The following RBFOX1 variants were observed in gnomAD, a reference collection of about 807,000 sequenced individuals.
RBFOX1 encodes RNA binding protein fox-1 homolog 1.
RBFOX1 carries 8 observed loss-of-function variants against 57.7 expected under a neutral mutation model. The observed-to-expected ratio is 0.14, with a 90% CI of 0.08 to 0.25. RBFOX1 has a LOEUF of 0.25. Ranked by LOEUF, RBFOX1 falls within the 10% of genes least tolerant of loss-of-function variation. The pLI, the probability that RBFOX1 is intolerant of heterozygous loss-of-function variation, is 1.00. For missense variants in RBFOX1, 611 were observed against 548.5 expected (o/e 1.11, Z -1.14); for synonymous variants, 326 against 222.4 (o/e 1.47, Z -4.15).
In RBFOX1 at chr16:5,399,520, C is replaced by G. The variant is rs368800210; in HGVS notation, c.220-67696C>G. The stretch of plus-strand genomic sequence containing the variant: ...GGTGAATGGGTTCCTTATTTTTTCT[C>G]TTTTAAAAATTGGATCAATGCCATC... On this transcript the variant is annotated intron_variant, in intron 1 of 2. Transcript: ENST00000585867. 6.2e-4 allele frequency among the ~76,000 whole-genome samples: 95 copies of G among 152,066 alleles called. 3 individuals carry two copies. The South Asian group carries it at 0.018, about 29-fold the overall frequency.
At chr16:5,556,385 A>T (rs898156165) in intron 2 of RBFOX1, among the ~76,000 whole-genome samples, 9 of 152,212 alleles carry the variant, frequency 5.9e-5, no homozygotes, top group Non-Finnish European at 1.2e-4. Flanking sequence ...GCCGAGGAAG[A>T]TGAAATGCTA....
At chr16:6,501,690 C>T (rs1466573851) in intron 2 of RBFOX1, among the ~76,000 whole-genome samples, 5 of 152,220 alleles carry the variant, frequency 3.3e-5, no homozygotes, top group African/African-American at 9.6e-5. Context: ...TTTCTGATCT[C>T]ATTCTAAAAC....
chr16:5,638,809 T>C (rs1321986887), intron 3 of RBFOX1, among the ~76,000 whole-genome samples: 1 of 152,170 alleles, frequency 6.6e-6, no homozygotes, highest in Non-Finnish European at 1.5e-5. Context: ...CCTTAAGTTC[T>C]GGGCTGAATG....
At chr16:6,952,838 G>T (rs1166675826) in intron 3 of RBFOX1, among the ~76,000 whole-genome samples, 2 of 152,018 alleles carry the variant, frequency 1.3e-5, no homozygotes, top group Non-Finnish European at 2.9e-5. Context: ...AGCTGGGTAT[G>T]GTGGTGCATG....
intron 4 of RBFOX1, among the ~76,000 whole-genome samples, chr16:7,144,953 C>G (rs992953568): frequency 1.3e-5 from 2 of 152,132 alleles, no homozygotes; most frequent in African/African-American, 4.8e-5. Flanking sequence ...CCCCTCTCCC[C>G]CTCCCCCAGT....
At chr16:6,783,573 T>C (rs1426198663) in intron 3 of RBFOX1, among the ~76,000 whole-genome samples, 2 of 152,106 alleles carry the variant, frequency 1.3e-5, no homozygotes, top group African/African-American at 4.8e-5. Flanking sequence ...GTCTGACTTT[T>C]TGCTATCTCT....
intron 3 of RBFOX1, among the ~76,000 whole-genome samples, chr16:6,872,447 C>G (rs1034249322): frequency 2.0e-5 from 3 of 152,094 alleles, no homozygotes; most frequent in South Asian, 2.1e-4. Flanking sequence ...TTTCTAAAAA[C>G]TCAACTTAGG....
intron 3 of RBFOX1, among the ~76,000 whole-genome samples, chr16:6,927,295 A>G (rs1465827670): frequency 6.6e-6 from 1 of 151,370 alleles, no homozygotes; most frequent in Non-Finnish European, 1.5e-5. Flanking sequence ...CACCTGTAGT[A>G]TCAGCTACTT....
chr16:7,535,257 C>T (rs943341565), intron 5 of RBFOX1, among the ~76,000 whole-genome samples: 1 of 152,112 alleles, frequency 6.6e-6, no homozygotes, highest in Non-Finnish European at 1.5e-5. Context: ...TTCCCTGGGC[C>T]AGCTCAGGGC....
At chr16:5,734,356 G>T (rs138898316) in intron 3 of RBFOX1, among the ~76,000 whole-genome samples, 1 of 152,218 alleles carries the variant, frequency 6.6e-6, no homozygotes, top group Non-Finnish European at 1.5e-5. Flanking sequence ...TGAGCCCAGG[G>T]GTTCAAGGCT....
intron 3 of RBFOX1, among the ~76,000 whole-genome samples, chr16:6,743,204 G>A (rs768910402): frequency 1.6e-4 from 25 of 152,120 alleles, no homozygotes; most frequent in Non-Finnish European, 3.4e-4. Context: ...TAATAAGCCA[G>A]CAAAGGAAAT....
At chr16:5,509,946 G>A (rs1325733369) in intron 2 of RBFOX1, among the ~76,000 whole-genome samples, 1 of 152,180 alleles carries the variant, frequency 6.6e-6, no homozygotes, top group African/African-American at 2.4e-5. Flanking sequence ...GTTTTAGCAG[G>A]TGGTCATGTG....
intron 3 of RBFOX1, among the ~76,000 whole-genome samples, chr16:6,931,713 C>G (rs1362802653): frequency 1.3e-5 from 2 of 152,198 alleles, no homozygotes; most frequent in East Asian, 3.9e-4. Flanking sequence ...GTTGGTGGGT[C>G]TAACCCTCCC....
At chr16:7,348,039 C>A (rs1568340457) in intron 4 of RBFOX1, among the ~76,000 whole-genome samples, 1 of 152,204 alleles carries the variant, frequency 6.6e-6, no homozygotes, top group Non-Finnish European at 1.5e-5. Context: ...GATTTAAGCT[C>A]GTTGCCTCCT....
At chr16:5,907,819 C>G (rs545105760) in intron 4 of RBFOX1, among the ~76,000 whole-genome samples, 2 of 151,714 alleles carry the variant, frequency 1.3e-5, no homozygotes, top group South Asian at 2.1e-4. Flanking sequence ...GGTATGATCT[C>G]AGCTCACTAT....
At chr16:5,308,078 G>A (rs1485263173) in intron 1 of RBFOX1, among the ~76,000 whole-genome samples, 2 of 152,152 alleles carry the variant, frequency 1.3e-5, no homozygotes, top group East Asian at 1.9e-4. Context: ...AGTGGCTCAC[G>A]CTTGTAATCC....
chr16:5,403,349 C>CAAAAAAAAAAAAAAAAA (rs767830099), intron 1 of RBFOX1, among the ~76,000 whole-genome samples: 7 of 82,238 alleles, frequency 8.5e-5, no homozygotes, highest in Non-Finnish European at 1.4e-4. Context: ...AACGCTGTCT[C>CAAAAAAAAAAAAAAAAA]AAAAAAAAAA....
At chr16:5,619,124 G>A (rs913640377) in intron 3 of RBFOX1, among the ~76,000 whole-genome samples, 1 of 152,186 alleles carries the variant, frequency 6.6e-6, no homozygotes, top group Non-Finnish European at 1.5e-5. Context: ...TGGGAAAATT[G>A]TCCATTTTAC....
chr16:6,945,836 T>A (rs765830191), intron 3 of RBFOX1, among the ~76,000 whole-genome samples: 3 of 152,172 alleles, frequency 2.0e-5, no homozygotes, highest in African/African-American at 7.2e-5. Context: ...GGTTGCAGTG[T>A]GCTGAGATCA....
Sources: gnomAD v4.1 joint callset for allele counts (sites outside exome capture counted in the v4.1 genomes callset) on GRCh38, gnomAD v4.1.1 for gene constraint, MANE v1.5 for transcripts, NCBI Gene and HGNC (gene_info 2026-07-23, HGNC 2026-07-21) for gene names.